Variants in CDHR2 observed in about 807,000 individuals in gnomAD.
CDHR2 encodes cadherin related family member 2.
In CDHR2, 104 loss-of-function variants were observed where a neutral mutation model predicts 138.6. The ratio of observed to expected loss-of-function variants is 0.75; its 90% CI spans 0.64 to 0.88. The LOEUF is 0.88. CDHR2 is among the 40% of genes least tolerant of loss of function. The probability of loss-of-function intolerance (pLI) is 0.00; values close to 1 mark genes in which losing one functional copy is unlikely to be tolerated. For missense variants in CDHR2, 1,624 were observed against 1,727.6 expected (o/e 0.94, Z 1.06); for synonymous variants, 755 against 742.8 (o/e 1.02, Z -0.27).
At chr5:176,564,244 G>A (rs1758031735) in intron 1 of CDHR2, among the ~76,000 whole-genome samples, 1 of 152,066 alleles carries the variant, frequency 6.6e-6, no homozygotes, top group Admixed American at 6.5e-5. Flanking sequence ...GGAATGCGAT[G>A]GCGTGATCTC....
chr5:176,584,882 A>C lies in CDHR2; in HGVS notation c.2601A>C (p.Ser867=). ...GCAGCCTATGCTGGGGCTGGTTCTC[A>C]GTGGCGGCCAACGGCTCTGTGTACA... ...DVGSLCWGWF[S]VAANGSVYIN... is the part of the protein sequence containing the mutation. Residue 867 remains serine (S), a synonymous_variant, in exon 19 of 32, where the codon TCA becomes TCC. Coordinates refer to ENST00000261944, the MANE Select transcript of CDHR2 (RefSeq NM_017675.6). 6.2e-7 allele frequency: 1 copy of C among 1,614,086 alleles called. No homozygotes were observed. Among genetic ancestry groups the C allele is most frequent in the Non-Finnish European group, 8.5e-7 (1 of 1,179,976 alleles).
intron 6 of CDHR2, 98 bp downstream of exon 6, chr5:176,571,400 G>A: frequency 1.3e-6 from 1 of 765,012 alleles, no homozygotes; most frequent in Non-Finnish European, 2.0e-6. Flanking sequence ...ATTCAGAGTT[G>A]GGAAAAACCT....
chr5:176,584,762 G>A lies in CDHR2; in HGVS notation c.2481G>A (p.Gln827=), dbSNP rs1042347848. ...CTGAGAATGGCTCACAGCACGGCCA[G>A]GTGGCTGTGGTGGTTGCCTCGGATG... ...RVAENGSQHG[Q]VAVVVASDVD... is the part of the protein sequence containing the mutation. Residue 827 remains glutamine (Q), a synonymous_variant, in exon 19 of 32, where the codon CAG becomes CAA. Coordinates refer to ENST00000261944, the MANE Select transcript of CDHR2 (RefSeq NM_017675.6). 1 of 1,614,222 alleles carries A rather than the reference G, an allele frequency of 6.2e-7. No homozygotes were observed. Among genetic ancestry groups the A allele is most frequent in the South Asian group, 1.1e-5 (1 of 91,082 alleles).
intron 7 of CDHR2, 119 bp downstream of exon 7, chr5:176,574,291 G>A: frequency 1.3e-6 from 1 of 763,308 alleles, no homozygotes; most frequent in Non-Finnish European, 2.2e-6. Context: ...GCCCAGCCCT[G>A]GTCCCCAAAC....
intron 31 of CDHR2, among the ~76,000 whole-genome samples, chr5:176,593,287 C>T (rs1223354864): frequency 2.0e-5 from 3 of 152,194 alleles, no homozygotes; most frequent in African/African-American, 2.4e-5. Context: ...TGGCCTGCTG[C>T]GTAAAAGCAC....
rs745726017 is a variant in CDHR2, at chr5:176,584,927, C to T, written c.2646C>T (p.Ile882=). The part of the protein sequence containing the change: ...GSVYINQSKA[I]DYEACDLVTL... ...TGTACATCAACCAGAGCAAAGCCAT[C>T]GACTACGAGGCCTGTGACCTGGTCA... The change falls in exon 19 of 32, where the codon ATC becomes ATT. Residue 882 remains isoleucine (I), a synonymous_variant. Transcript: ENST00000261944. The T allele has an allele frequency of 1.4e-5, 23 of 1,601,780 alleles. No homozygotes were observed. Among genetic ancestry groups the T allele is most frequent in the Middle Eastern group, 3.3e-4 (2 of 6,044 alleles).
At position 176,590,452 on chromosome 5, in the gene CDHR2, G is replaced by T. The variant is rs200656956; in HGVS notation, c.3381G>T (p.Leu1127=). The T allele has an allele frequency of 7.2e-5, 117 of 1,614,076 alleles. No homozygotes were observed. Among genetic ancestry groups the T allele is most frequent in the Non-Finnish European group, 8.0e-5 (94 of 1,179,970 alleles). The change falls in exon 27 of 32, where the codon CTG becomes CTT. Residue 1127 remains leucine, a synonymous_variant. Transcript: ENST00000261944. The part of the protein sequence containing the change: ...SVMIRNDQDS[L]TQLLQLGLVV... ...TGATCCGGAATGATCAGGACTCGCT[G>T]ACGCAGCTGCTGCAGCTGGGGCTGG... is the stretch of plus-strand genomic sequence containing the variant.
At position 176,576,925 on chromosome 5, in the gene CDHR2, G is replaced by C. The variant is rs1466391747; in HGVS notation, c.1195-474G>C. 2.6e-5 allele frequency among the ~76,000 whole-genome samples: 4 copies of C among 152,180 alleles called. No homozygotes were observed. In the East Asian group the frequency reaches 7.7e-4, roughly 29 times the overall value. Reference sequence around the variant, plus strand: ...GCTGCAGTGAGAGGTGGGTAACACGGTGGCGCTGGAGGATGAGTAACTCTG... The same window carrying C: ...GCTGCAGTGAGAGGTGGGTAACACGCTGGCGCTGGAGGATGAGTAACTCTG... On this transcript the variant is annotated intron_variant, in intron 12 of 31. Coordinates refer to ENST00000261944, the MANE Select transcript of CDHR2 (RefSeq NM_017675.6). This position sits in a 1 kb window ranked among gnomAD's most constrained non-coding sequence, Gnocchi z 4.5.
intron 1 of CDHR2, among the ~76,000 whole-genome samples, chr5:176,557,700 TTCTTTC>T (rs1312571909): frequency 4.0e-5 from 6 of 150,084 alleles, no homozygotes; most frequent in Non-Finnish European, 8.9e-5. Flanking sequence ...CTTTCTTTCT[TTCTTTC>T]TTTCTTTTTT....
rs1394393480 is a variant in CDHR2 at position 176,584,961 on chromosome 5, G to A, written c.2680G>A (p.Val894Met). The change falls in exon 19 of 32, where the codon GTG (valine) becomes ATG (methionine). Residue 894 changes from valine to methionine, a missense_variant. Around this residue, in one of 3 missense-constraint regions of CDHR2, gnomAD observed 556 missense variants for 565.7 expected, o/e 0.98. Coordinates refer to ENST00000261944, the MANE Select transcript of CDHR2 (RefSeq NM_017675.6). ...YEACDLVTLV[V>M]RACDLATDPG... ...GGCCTGTGACCTGGTCACGCTGGTT[G>A]TGCGGGCCTGTGACCTAGCCACGGA... The A allele has an allele frequency of 1.3e-6, 2 of 1,566,146 alleles. No homozygotes were observed. The highest frequency in any genetic ancestry group is 1.7e-6 in the Non-Finnish European group (2 of 1,154,698).
intron 1 of CDHR2, among the ~76,000 whole-genome samples, chr5:176,555,005 C>G (rs1422606255): frequency 1.3e-5 from 2 of 152,226 alleles, no homozygotes; most frequent in Admixed American, 6.5e-5. Context: ...TTCTGAGAGG[C>G]AGGAGGTGCT....
rs780858122 is a variant in CDHR2 at position 176,575,792 on chromosome 5, C to T, written c.913C>T (p.Arg305Cys). ...GVIRVNGSLD[R>C]EQLLEADEEV... ...GATCAGGGTCAACGGCTCCCTGGAC[C>T]GTGAGCAGCTGCTGGAGGCGGATGA... The change falls in exon 11 of 32, where the codon CGT becomes TGT. Residue 305 changes from arginine to cysteine, a missense_variant. Around this residue, in one of 3 missense-constraint regions of CDHR2, gnomAD observed 1,061 missense variants for 1,136.6 expected, o/e 0.93. Transcript: ENST00000261944. 2.2e-5 allele frequency: 35 copies of T among 1,559,184 alleles called. No individual in the cohort carries two copies. Among genetic ancestry groups the T allele is most frequent in the Middle Eastern group, 1.7e-4 (1 of 6,008 alleles).
chr5:176,577,264 C>T (rs911374602), intron 12 of CDHR2, 135 bp from the exon 13 acceptor site: 41 of 956,490 alleles, frequency 4.3e-5, no homozygotes, highest in Admixed American at 1.9e-4. Flanking sequence ...CACCCTCTCT[C>T]GCAGTCTTTT....
In CDHR2 at chr5:176,590,528, A is replaced by G. The variant is rs1561882360; in HGVS notation, c.3415-35A>G. ...GGGGCAGCAGGTGGGGCTGCTGAAG[A>G]CGAGTGTGCTTCCCTCACACTCATC... is the stretch of plus-strand genomic sequence containing the variant. On this transcript the variant is annotated intron_variant, in intron 27 of 31. Coordinates refer to ENST00000261944, the MANE Select transcript of CDHR2 (RefSeq NM_017675.6). 3 of 1,613,958 alleles carry G rather than the reference A, an allele frequency of 1.9e-6. No individual in the cohort carries two copies. In the East Asian group the frequency reaches 6.7e-5, roughly 36 times the overall value.
intron 1 of CDHR2, 82 bp from the exon 2 acceptor site, chr5:176,565,256 C>T (rs971731442): frequency 7.5e-5 from 72 of 959,176 alleles, no homozygotes; most frequent in South Asian, 2.0e-4. Context: ...TGGGTGGGCT[C>T]AGGTCAGACC....
intron 6 of CDHR2, among the ~76,000 whole-genome samples, chr5:176,573,003 C>T (rs1426765115): frequency 6.6e-6 from 1 of 152,214 alleles, no homozygotes; most frequent in East Asian, 1.9e-4. Flanking sequence ...GCAGCGGGCA[C>T]TGCTTTAGGT....
rs1243385279 is a variant in CDHR2, at chr5:176,589,140, T to A, written c.2966T>A (p.Ile989Asn). ...ATIPFQGVFS[I>N]FTSSEADVFA... Reference sequence around the variant, plus strand: ...ATCCCTTTCCAGGGTGTCTTCTCGATCTTCACCTCCTCCGAGGCCGACGTG... The same window carrying A: ...ATCCCTTTCCAGGGTGTCTTCTCGAACTTCACCTCCTCCGAGGCCGACGTG... The change falls in exon 22 of 32, where the codon ATC (isoleucine) becomes AAC (asparagine). Residue 989 changes from isoleucine (I) to asparagine (N), a missense_variant. Coordinates refer to ENST00000261944, the MANE Select transcript of CDHR2 (RefSeq NM_017675.6). 1.2e-6 allele frequency: 2 copies of A among 1,614,180 alleles called. No homozygotes were observed. The highest frequency in any genetic ancestry group is 1.1e-5 in the South Asian group (1 of 91,088).
At position 176,584,370 on chromosome 5, in the gene CDHR2, G is replaced by T. The variant is rs200531459; in HGVS notation, c.2129-40G>T. On this transcript the variant is annotated intron_variant, in intron 18 of 31. Transcript: ENST00000261944. ...AAGGGCAGAGGAGGCTTCCGATGGCGGGGTCAGGAGTCCTTCTGAGCTCTG... is the reference window on the plus strand; with the variant it reads ...AAGGGCAGAGGAGGCTTCCGATGGCTGGGTCAGGAGTCCTTCTGAGCTCTG... 13 of 1,607,094 alleles carry T rather than the reference G, an allele frequency of 8.1e-6. No homozygotes were observed. The South Asian group carries it at 8.9e-5, about 11-fold the overall frequency.
At chr5:176,580,415 G>A (rs1198780221) in intron 16 of CDHR2, among the ~76,000 whole-genome samples, 1 of 150,620 alleles carries the variant, frequency 6.6e-6, no homozygotes, top group Non-Finnish European at 1.5e-5. Context: ...TGTAATCCCA[G>A]CTACTTGGGA....
Sources: gnomAD v4.1 joint callset for allele counts (sites outside exome capture counted in the v4.1 genomes callset) on GRCh38, gnomAD v4.1.1 for gene constraint, gnomAD v4.1.1 regional missense constraint, Gnocchi (gnomAD v3.1) non-coding constraint, MANE v1.5 for transcripts, NCBI Gene and HGNC (gene_info 2026-07-23, HGNC 2026-07-21) for gene names.